The following ACIN1 variants were observed in gnomAD, a reference collection of about 807,000 sequenced individuals.
ACIN1 encodes the protein apoptotic chromatin condensation inducer 1.
ACIN1 carries 16 observed loss-of-function variants against 146.6 expected under a neutral mutation model. The observed-to-expected ratio is 0.11, with a 90% CI of 0.07 to 0.17. ACIN1 has a LOEUF of 0.17. Among genes scored for constraint, ACIN1 ranks in the 10% least tolerant of loss-of-function variants. The pLI is 1.00. For missense variants in ACIN1, 1,357 were observed against 1,609.3 expected (o/e 0.84, Z 2.68); for synonymous variants, 569 against 582.7 (o/e 0.98, Z 0.34).
rs1391021889 is a variant in ACIN1, at chr14:23,068,740, A to G, written c.2265+736T>C. Reference sequence around the variant, plus strand: ...ATATTCTGCACATCAAATCACTTTCACCGGCCCCCACCCCCGCAACACACA... The same window carrying G: ...ATATTCTGCACATCAAATCACTTTCGCCGGCCCCCACCCCCGCAACACACA... On this transcript the variant is annotated intron_variant, in intron 9 of 18. Coordinates refer to ENST00000605057, the MANE Select transcript of ACIN1 (RefSeq NM_001386863.1). This position sits in a 1 kb window ranked among gnomAD's most constrained non-coding sequence, Gnocchi z 4.3. 1.9e-5 allele frequency: 19 copies of G among 985,268 alleles called. No individual in the cohort carries two copies. 61.0% of individuals were successfully genotyped at this position (985,268 alleles called of 1,614,324 possible).
At chr14:23,089,340 GAC>G (rs1408144906) in intron 4 of ACIN1, among the ~76,000 whole-genome samples, 1 of 152,050 alleles carries the variant, frequency 6.6e-6, no homozygotes, top group East Asian at 1.9e-4. Context: ...AGGCGTGAGC[GAC>G]CACACCCAGT....
chr14:23,075,077 G>A (rs1266052442), intron 8 of ACIN1, among the ~76,000 whole-genome samples: 1 of 152,010 alleles, frequency 6.6e-6, no homozygotes, highest in Non-Finnish European at 1.5e-5. Context: ...GCATCATTTG[G>A]GATATTGGCA....
At chr14:23,081,715 A>T (rs750817795) in intron 5 of ACIN1, 33 bp downstream of exon 5, 1 of 1,480,022 alleles carries the variant, frequency 6.8e-7, no homozygotes, top group East Asian at 2.3e-5. Flanking sequence ...AGCATTACTG[A>T]AGAGGTAATG....
chr14:23,093,497 T>C lies in ACIN1; in HGVS notation c.186A>G (p.Ala62=). 6.2e-7 allele frequency: 1 copy of C among 1,614,106 alleles called. No homozygotes were observed. The highest frequency in any genetic ancestry group is 8.5e-7 in the Non-Finnish European group (1 of 1,179,990). The change falls in exon 2 of 19, where the codon GCA becomes GCG. Residue 62 remains alanine (A), a synonymous_variant. Coordinates refer to ENST00000605057, the MANE Select transcript of ACIN1 (RefSeq NM_001386863.1). ...NLQKHSTPHA[A]FQPNSQIGEE... ...TTCTCACCTGGGAATTTGGCTGGAA[T>C]GCAGCATGGGGTGTTGAGTGTTTCT...
At chr14:23,069,187 A>ATT in intron 9 of ACIN1, 1 of 1,110,190 alleles carries the variant, frequency 9.0e-7, no homozygotes, top group Non-Finnish European at 1.1e-6. Context: ...AGCTGAACAT[A>ATT]AATCTTAGAT....
chr14:23,071,683 C>CG (rs1566742071), intron 8 of ACIN1: 1 of 923,818 alleles, frequency 1.1e-6, no homozygotes, highest in African/African-American at 1.7e-5. Flanking sequence ...CACAGGGAGC[C>CG]GACTGCTGGC....
rs765106886 is a variant in ACIN1, at chr14:23,080,162, G to A, written c.1173C>T (p.Leu391=). 8.1e-6 allele frequency: 13 copies of A among 1,614,038 alleles called. No individual in the cohort carries two copies. Among genetic ancestry groups the A allele is most frequent in the Admixed American group, 1.7e-5 (1 of 60,002 alleles). Residue 391 remains leucine (L), a synonymous_variant, in exon 6 of 19, where the codon CTC becomes CTT. Coordinates refer to ENST00000605057, the MANE Select transcript of ACIN1 (RefSeq NM_001386863.1). ...EPMEGPAPAV[L]IQLSPPNTDA... ...CTGTATTAGGAGGAGATAACTGAAT[G>A]AGGACAGCGGGGGCTGGGCCTTCCA...
chr14:23,074,788 A>T (rs1048293631), intron 8 of ACIN1, among the ~76,000 whole-genome samples: 16 of 152,220 alleles, frequency 1.1e-4, no homozygotes, highest in African/African-American at 3.9e-4. Flanking sequence ...GAGGCTAATA[A>T]TATCACATTA....
intron 9 of ACIN1, 185 bp downstream of exon 9, chr14:23,069,291 C>T (rs2047555366): frequency 7.7e-7 from 1 of 1,300,532 alleles, no homozygotes; most frequent in Non-Finnish European, 9.8e-7. Context: ...TGAGCCCTGT[C>T]CCCGTCACAA....
rs2047925141 is a variant in ACIN1, at chr14:23,080,789, A to G, written c.546T>C (p.Ser182=). The G allele has an allele frequency of 2.5e-6, 4 of 1,607,442 alleles. No individual in the cohort carries two copies. The highest frequency in any genetic ancestry group is 2.6e-6 in the Non-Finnish European group (3 of 1,175,682). The change falls in exon 6 of 19, where the codon TCT becomes TCC. Residue 182 remains serine (S), a synonymous_variant. Coordinates refer to ENST00000605057, the MANE Select transcript of ACIN1 (RefSeq NM_001386863.1). ...RVRQARAAKL[S]EGSQPAEEEE... is the part of the protein sequence containing the mutation. ...CCTCCTCAGCAGGTTGGCTGCCCTCAGACAGTTTAGCTGCTCTTGCCTGAA... is the reference window on the plus strand; with the variant it reads ...CCTCCTCAGCAGGTTGGCTGCCCTCGGACAGTTTAGCTGCTCTTGCCTGAA...
chr14:23,065,897 C>G, intron 10 of ACIN1, 69 bp downstream of exon 10: 1 of 1,432,104 alleles, frequency 7.0e-7, no homozygotes. Context: ...GAATGAAATT[C>G]TGGTTCTCAA....
intron 16 of ACIN1, among the ~76,000 whole-genome samples, chr14:23,061,871 G>A (rs985366726): frequency 1.3e-5 from 2 of 151,710 alleles, no homozygotes; most frequent in African/African-American, 4.9e-5. Context: ...CTATTCGGGA[G>A]GCTGAGGCAG....
upstream of ACIN1, chr14:23,095,325 C>G (rs756424676): frequency 6.4e-7 from 1 of 1,557,034 alleles, no homozygotes; most frequent in African/African-American, 1.4e-5. Context: ...CTGCAGCGCC[C>G]CTTTTCTCGC....
intron 4 of ACIN1, among the ~76,000 whole-genome samples, chr14:23,089,232 G>C (rs1274618483): frequency 6.6e-6 from 1 of 152,062 alleles, no homozygotes; most frequent in East Asian, 1.9e-4. Context: ...GTAGAGACAG[G>C]GTTTTGCCAT....
upstream of ACIN1, chr14:23,095,297 C>A (rs760216082): frequency 1.3e-6 from 2 of 1,586,698 alleles, no homozygotes; most frequent in East Asian, 2.3e-5. Flanking sequence ...CGTTACCAAT[C>A]AATTCTTTCC....
At chr14:23,094,671 A>G in intron 1 of ACIN1, 1 of 738,366 alleles carries the variant, frequency 1.4e-6, no homozygotes, top group Non-Finnish European at 2.0e-6. Flanking sequence ...TCTGCAGCGC[A>G]TGCGCCGAAA....
chr14:23,084,243 G>A (rs552783149), intron 4 of ACIN1, among the ~76,000 whole-genome samples: 12 of 152,160 alleles, frequency 7.9e-5, no homozygotes, highest in African/African-American at 1.9e-4. Flanking sequence ...CACCATGCCC[G>A]GCCTTCTCTA....
chr14:23,081,891 C>T lies in ACIN1; in HGVS notation c.437-55G>A. ...TCATGAAGTGAAGACTCATTCATGG[C>T]TTTTTAAAAATCAGGCTTTCTAATA... On this transcript the variant is annotated intron_variant, in intron 4 of 18. Coordinates refer to ENST00000605057, the MANE Select transcript of ACIN1 (RefSeq NM_001386863.1). The T allele has an allele frequency of 2.8e-6, 4 of 1,429,374 alleles. No individual in the cohort carries two copies. The South Asian group carries it at 3.6e-5, about 13-fold the overall frequency. The allele number at this position is 1,429,374 out of a possible 1,614,324, so 88.5% of individuals were successfully genotyped here.
chr14:23,068,598 AG>A lies in ACIN1; in HGVS notation c.2265+877del. ...GCTCAGTAGCAGCGGGTGGGTCCAG[AG>A]GAAGAGGCGGCATCAGCGATTGGCC... On this transcript the variant is annotated intron_variant, in intron 9 of 18. Coordinates refer to ENST00000605057, the MANE Select transcript of ACIN1 (RefSeq NM_001386863.1). The surrounding 1 kb of genome is among the most constrained non-coding windows in gnomAD (Gnocchi z 4.3). 11 of 985,966 alleles carry A rather than the reference AG, an allele frequency of 1.1e-5. No individual in the cohort carries two copies. Among genetic ancestry groups the A allele is most frequent in the Non-Finnish European group, 1.3e-5 (11 of 829,998 alleles). 61.1% of individuals were successfully genotyped at this position (985,966 alleles called of 1,614,324 possible). A position where few individuals can be genotyped will look rare whatever the true frequency, so the allele number is the denominator to read the frequency against.
Sources: gnomAD v4.1 joint callset for allele counts (sites outside exome capture counted in the v4.1 genomes callset) on GRCh38, gnomAD v4.1.1 for gene constraint, Gnocchi (gnomAD v3.1) non-coding constraint, MANE v1.5 for transcripts, NCBI Gene and HGNC (gene_info 2026-07-23, HGNC 2026-07-21) for gene names.